NKAIN3: variants seen among roughly 807,000 people sequenced by gnomAD.
The protein encoded by NKAIN3 is sodium/potassium-transporting ATPase subunit beta-1-interacting protein 3.
In NKAIN3, 25 loss-of-function variants were observed where a neutral mutation model predicts 30.2. The ratio of observed to expected loss-of-function variants is 0.83; its 90% confidence interval spans 0.60 to 1.16. The LOEUF (loss-of-function observed/expected upper bound fraction) is 1.16, where lower values mean the gene tolerates loss of function less well. Ranked by LOEUF, NKAIN3 falls within the 50% of genes most tolerant of loss-of-function variation. The probability of loss-of-function intolerance (pLI) is 0.00; values close to 1 mark genes in which losing one functional copy is unlikely to be tolerated. For synonymous variants in NKAIN3, 91 were observed against 89.6 expected (o/e 1.02, Z -0.09); for missense variants, 225 against 254.1 (o/e 0.89, Z 0.78).
At chr8:62,729,610 A>T (rs1815404643) in intron 3 of NKAIN3, among the ~76,000 whole-genome samples, 1 of 151,976 alleles carries the variant, frequency 6.6e-6, no homozygotes, top group South Asian at 2.1e-4. Context: ...ATGATATATT[A>T]TATATATAGT....
Position 62,966,172 on chromosome 8 carries a change from A to C in NKAIN3, c.*765A>C. On this transcript the variant is annotated 3_prime_UTR_variant, in exon 7 of 7. Transcript: ENST00000623646. ...CATTCCTGACACTGCTGTCAGACCT[A>C]AACATACAGCTCATGGGCTTGTGGG... The C allele has an allele frequency of 1.0e-6, 1 of 985,134 alleles. No individual in the cohort carries two copies. The highest frequency in any genetic ancestry group is 1.2e-6 in the Non-Finnish European group (1 of 829,710). 61.0% of individuals were successfully genotyped at this position (985,134 alleles called of 1,614,324 possible). A position where few individuals can be genotyped will look rare whatever the true frequency, so the allele number is the denominator to read the frequency against.
At chr8:62,651,161 G>C (rs534512403) in intron 3 of NKAIN3, among the ~76,000 whole-genome samples, 8 of 151,334 alleles carry the variant, frequency 5.3e-5, no homozygotes, top group Non-Finnish European at 1.0e-4. Context: ...GCATTTGCAA[G>C]ATTATTTCCC....
At chr8:62,448,961 G>A (rs1176187320) in intron 1 of NKAIN3, among the ~76,000 whole-genome samples, 1 of 151,888 alleles carries the variant, frequency 6.6e-6, no homozygotes, top group Non-Finnish European at 1.5e-5. Flanking sequence ...AGGAAAAAAT[G>A]TTATTTTAGG....
chr8:62,831,565 T>C (rs920642871), intron 4 of NKAIN3, among the ~76,000 whole-genome samples: 6 of 152,084 alleles, frequency 3.9e-5, no homozygotes, highest in Non-Finnish European at 8.8e-5. Context: ...CAAACTTACT[T>C]AAGAAATTTC....
At chr8:62,702,048 C>T (rs1814356573) in intron 3 of NKAIN3, among the ~76,000 whole-genome samples, 1 of 152,180 alleles carries the variant, frequency 6.6e-6, no homozygotes, top group Non-Finnish European at 1.5e-5. Flanking sequence ...TTCCATCCTT[C>T]GTGGCTTGAT....
chr8:62,503,566 C>T (rs939860915), intron 1 of NKAIN3, among the ~76,000 whole-genome samples: 15 of 152,000 alleles, frequency 9.9e-5, no homozygotes, highest in African/African-American at 1.7e-4. Flanking sequence ...GAGACCAGGG[C>T]GTATCTCAGT....
intron 3 of NKAIN3, among the ~76,000 whole-genome samples, chr8:62,738,287 G>A (rs115209759): frequency 0.027 from 4,099 of 152,184 alleles, 196 homozygotes; most frequent in African/African-American, 0.093. Context: ...TTATTTCCAT[G>A]TGTTTTTTGG....
chr8:62,982,587 C>A lies in NKAIN3; in HGVS notation c.*17180C>A, dbSNP rs1308786823. Reference sequence around the variant, plus strand: ...ATAGGAGCTATGGTATAATGAGATGCTATCTCTGGAAAAAAATGAATAGAT... The same window carrying A: ...ATAGGAGCTATGGTATAATGAGATGATATCTCTGGAAAAAAATGAATAGAT... On this transcript the variant is annotated 3_prime_UTR_variant, in exon 7 of 7. Coordinates refer to ENST00000623646, the MANE Select transcript of NKAIN3 (RefSeq NM_001304533.3). 6.6e-6 allele frequency: 1 copy of A among 151,954 alleles called. No homozygotes were observed. The allele number at this position is 151,954 out of a possible 1,614,324, so 9.4% of individuals were successfully genotyped here.
intron 4 of NKAIN3, among the ~76,000 whole-genome samples, chr8:62,835,435 T>C (rs1819328175): frequency 6.6e-6 from 1 of 152,138 alleles, no homozygotes; most frequent in African/African-American, 2.4e-5. Context: ...AACAAAGATC[T>C]AATATCCAGA....
chr8:62,251,871 G>C (rs1304928289), intron 1 of NKAIN3, among the ~76,000 whole-genome samples: 1 of 152,068 alleles, frequency 6.6e-6, no homozygotes, highest in East Asian at 1.9e-4. Context: ...AACCTCAAAA[G>C]CATTGGTAAA....
chr8:62,646,804 G>C (rs565563268), intron 3 of NKAIN3, among the ~76,000 whole-genome samples: 6 of 152,094 alleles, frequency 3.9e-5, no homozygotes, highest in Admixed American at 2.0e-4. Flanking sequence ...AATAAAAAAT[G>C]ACCAAAAATA....
At chr8:62,550,196 G>T (rs976293404) in intron 1 of NKAIN3, among the ~76,000 whole-genome samples, 5 of 152,010 alleles carry the variant, frequency 3.3e-5, no homozygotes, top group African/African-American at 1.2e-4. Context: ...CCTTTAAAAG[G>T]TGTTTACCTT....
At chr8:62,821,193 A>G (rs1818838457) in intron 4 of NKAIN3, among the ~76,000 whole-genome samples, 1 of 152,104 alleles carries the variant, frequency 6.6e-6, no homozygotes, top group Admixed American at 6.6e-5. Context: ...TGTATCTACA[A>G]AGTCAATTCT....
chr8:62,853,474 A>G (rs1460516855), intron 4 of NKAIN3, among the ~76,000 whole-genome samples: 1 of 151,820 alleles, frequency 6.6e-6, no homozygotes, highest in Non-Finnish European at 1.5e-5. Context: ...TTTCTTCTAG[A>G]TTTTCTAACT....
chr8:62,360,609 G>C (rs1422011535), intron 1 of NKAIN3, among the ~76,000 whole-genome samples: 1 of 152,110 alleles, frequency 6.6e-6, no homozygotes, highest in Non-Finnish European at 1.5e-5. Flanking sequence ...GTTTTGAGGT[G>C]GACAGTTCTG....
chr8:62,294,851 C>T (rs1054995830), intron 1 of NKAIN3, among the ~76,000 whole-genome samples: 2 of 152,058 alleles, frequency 1.3e-5, no homozygotes, highest in African/African-American at 2.4e-5. Flanking sequence ...GGCCTCCTGT[C>T]GAAATTGAGT....
chr8:62,794,619 CCTT>C (rs1431125310), intron 4 of NKAIN3, among the ~76,000 whole-genome samples: 1 of 152,104 alleles, frequency 6.6e-6, no homozygotes, highest in Non-Finnish European at 1.5e-5. Flanking sequence ...TGAGCTCAGC[CCTT>C]CTTCTAGCCT....
At chr8:62,811,554 T>A (rs1037639643) in intron 4 of NKAIN3, among the ~76,000 whole-genome samples, 1 of 152,154 alleles carries the variant, frequency 6.6e-6, no homozygotes, top group Non-Finnish European at 1.5e-5. Context: ...ATTATTTCTT[T>A]ATTTTAACCA....
chr8:62,663,441 G>A (rs1198522904), intron 3 of NKAIN3, among the ~76,000 whole-genome samples: 2 of 152,306 alleles, frequency 1.3e-5, no homozygotes, highest in Non-Finnish European at 2.9e-5. Context: ...CAGTAGGTTC[G>A]ATTGACAATA....
Sources: allele counts gnomAD v4.1 joint callset (sites outside exome capture counted in the v4.1 genomes callset), GRCh38; gene constraint gnomAD v4.1.1; transcripts MANE v1.5; gene names NCBI Gene and HGNC (gene_info 2026-07-23, HGNC 2026-07-21).